The following STAG2 variants were observed in gnomAD, a reference collection of about 807,000 sequenced individuals.
STAG2 encodes the protein STAG2 cohesin complex component, also known as cohesin subunit SA-2.
In STAG2, 14 loss-of-function variants were observed where a neutral mutation model predicts 108.1. That is an observed-to-expected ratio of 0.13 (90% CI 0.09 to 0.20). The LOEUF is 0.20. Ranked by LOEUF, STAG2 falls within the 10% of genes least tolerant of loss-of-function variation. STAG2 has a pLI of 1.00. For missense variants in STAG2, 440 were observed against 940.9 expected (o/e 0.47, Z 6.96); for synonymous variants, 307 against 302.7 (o/e 1.01, Z -0.15).
At chrX:124,089,950 C>T (rs1257543581) in intron 30 of STAG2, among the ~76,000 whole-genome samples, 1 of 109,394 alleles carries the variant, frequency 9.1e-6, no homozygotes, top group Non-Finnish European at 1.9e-5. Flanking sequence ...CATTTGAGGC[C>T]AGGAATTCAA....
chrX:124,016,802 A>G (rs1283058242), intron 1 of STAG2, among the ~76,000 whole-genome samples: 1 of 111,889 alleles, frequency 8.9e-6, no homozygotes, highest in Non-Finnish European at 1.9e-5. Context: ...CCCTGTTTCT[A>G]CAAAATACAC....
At chrX:124,018,171 A>AGGT (rs1474724388) in intron 1 of STAG2, among the ~76,000 whole-genome samples, 9 of 112,080 alleles carry the variant, frequency 8.0e-5, no homozygotes, top group African/African-American at 2.9e-4. Context: ...CTTTTATAGT[A>AGGT]GGTATAGAGA....
Position 124,086,635 on chromosome X carries a change from T to C in STAG2, c.3142T>C (p.Leu1048=). ...WLPLMSYRNS[L]LAGGDDDTMS... ...TCCACTGATGTCTTACCGAAATTCT[T>C]TGCTAGCTGGTGGTGATGATGACAC... Residue 1048 remains leucine, a synonymous_variant, in exon 30 of 35, where the codon TTG becomes CTG. Transcript: ENST00000371145. The C allele has an allele frequency of 8.3e-7, 1 of 1,211,493 alleles. No individual in the cohort carries two copies. The highest frequency in any genetic ancestry group is 1.1e-6 in the Non-Finnish European group (1 of 895,077).
intron 13 of STAG2, among the ~76,000 whole-genome samples, chrX:124,053,533 A>G (rs1326261480): frequency 1.8e-5 from 2 of 111,570 alleles, no homozygotes; most frequent in East Asian, 2.8e-4. Context: ...CCAGAAGAAT[A>G]TGATACAAAC....
chrX:124,015,111 C>T (rs1199320373), intron 1 of STAG2, among the ~76,000 whole-genome samples: 1 of 104,792 alleles, frequency 9.5e-6, no homozygotes, highest in Non-Finnish European at 2.0e-5. Context: ...CTCAGCCTCC[C>T]GAGTAGCTGG....
At chrX:124,088,620 T>C (rs1174296677) in intron 30 of STAG2, among the ~76,000 whole-genome samples, 1 of 106,848 alleles carries the variant, frequency 9.4e-6, no homozygotes, top group Non-Finnish European at 1.9e-5. Context: ...ATAATCTTTT[T>C]TTTTTTTTTT....
chrX:123,998,008 C>T (rs992389659), intron 1 of STAG2, among the ~76,000 whole-genome samples: 1 of 111,492 alleles, frequency 9.0e-6, no homozygotes, highest in African/African-American at 3.3e-5. Flanking sequence ...TTTGTCCATT[C>T]ATCTGTTGAT....
chrX:123,990,013 T>C (rs767774954), intron 1 of STAG2, among the ~76,000 whole-genome samples: 61 of 112,020 alleles, frequency 5.4e-4, no homozygotes, highest in African/African-American at 1.9e-3. Flanking sequence ...TGACTGCAAG[T>C]TGTCCAGGTT....
At chrX:123,989,726 C>T (rs1273525783) in intron 1 of STAG2, among the ~76,000 whole-genome samples, 1 of 108,059 alleles carries the variant, frequency 9.3e-6, no homozygotes, top group Admixed American at 1.0e-4. Flanking sequence ...GCCTCAGCCT[C>T]CCGAGTAGCT....
chrX:124,006,529 C>T (rs1273814202), intron 1 of STAG2, among the ~76,000 whole-genome samples: 1 of 107,336 alleles, frequency 9.3e-6, no homozygotes, highest in Non-Finnish European at 1.9e-5. Flanking sequence ...AGCTCTGCCT[C>T]CCGGGTTCAC....
chrX:123,991,747 C>T, intron 1 of STAG2, among the ~76,000 whole-genome samples: 1 of 110,782 alleles, frequency 9.0e-6, no homozygotes. Flanking sequence ...TCACCGCAAC[C>T]TCCGCCTCCC....
chrX:124,059,133 A>G (rs12392488), intron 15 of STAG2, among the ~76,000 whole-genome samples: 1,485 of 111,917 alleles, frequency 0.013, 21 homozygotes, highest in African/African-American at 0.045. Context: ...CCTGGCCAAC[A>G]TGGCAAAACC....
intron 25 of STAG2, among the ~76,000 whole-genome samples, chrX:124,074,720 G>A (rs1407418859): frequency 9.0e-6 from 1 of 111,595 alleles, no homozygotes; most frequent in Non-Finnish European, 1.9e-5. Flanking sequence ...CTTATGAAAG[G>A]CCCAGTGTGT....
At chrX:123,998,535 C>G (rs1178286897) in intron 1 of STAG2, among the ~76,000 whole-genome samples, 1 of 105,968 alleles carries the variant, frequency 9.4e-6, no homozygotes, top group Non-Finnish European at 1.9e-5. Flanking sequence ...AGTTACATCC[C>G]CACAGTTTCA....
chrX:123,967,811 T>C (rs767446810), intron 1 of STAG2, among the ~76,000 whole-genome samples: 9 of 110,948 alleles, frequency 8.1e-5, no homozygotes, highest in Non-Finnish European at 1.3e-4. Flanking sequence ...TATTTGTGTT[T>C]GAAAACAAAA....
intron 1 of STAG2, among the ~76,000 whole-genome samples, chrX:123,989,629 G>A (rs1324676692): frequency 3.1e-5 from 3 of 97,662 alleles, no homozygotes; most frequent in African/African-American, 7.6e-5. Context: ...TTTTGAGACA[G>A]AATTTTGCTC....
intron 30 of STAG2, among the ~76,000 whole-genome samples, chrX:124,089,742 T>C (rs1159460176): frequency 8.9e-6 from 1 of 112,027 alleles, no homozygotes; most frequent in African/African-American, 3.3e-5. Flanking sequence ...ACAGTTTGAT[T>C]CCTGCTTCTT....
intron 1 of STAG2, among the ~76,000 whole-genome samples, chrX:123,976,810 G>A (rs749873459): frequency 4.5e-4 from 50 of 111,826 alleles, no homozygotes; most frequent in Admixed American, 9.6e-4. Context: ...AAGTGGCCAA[G>A]CTTACTTTTT....
At chrX:123,988,735 A>G (rs2055310430) in intron 1 of STAG2, among the ~76,000 whole-genome samples, 1 of 111,584 alleles carries the variant, frequency 9.0e-6, no homozygotes, top group African/African-American at 3.3e-5. Context: ...CTACTACAAG[A>G]CACAGTGCAC....
Sources: gnomAD v4.1 joint callset for allele counts (sites outside exome capture counted in the v4.1 genomes callset) on GRCh38, gnomAD v4.1.1 for gene constraint, MANE v1.5 for transcripts, NCBI Gene and HGNC (gene_info 2026-07-23, HGNC 2026-07-21) for gene names.